Variants in NRG1 observed in about 807,000 individuals in gnomAD.
NRG1 encodes the protein neuregulin 1, also known as pro-neuregulin-1, membrane-bound isoform.
NRG1 carries 18 observed loss-of-function variants against 63.8 expected under a neutral mutation model. That is an observed-to-expected ratio of 0.28 (90% CI 0.19 to 0.42). The LOEUF (loss-of-function observed/expected upper bound fraction) is 0.42. NRG1 is among the 10% of genes least tolerant of loss of function. NRG1 has a pLI of 1.00. For missense variants in NRG1, 762 were observed against 814.7 expected, an observed-to-expected ratio of 0.94 and a Z score of 0.79; for synonymous variants, 302 against 301.3, an observed-to-expected ratio of 1.00 and a Z score of -0.02.
At chr8:32,068,478 GGGGCTGTTTCT>G (rs1825236144) in intron 1 of NRG1, among the ~76,000 whole-genome samples, 1 of 152,136 alleles carries the variant, frequency 6.6e-6, no homozygotes, top group Non-Finnish European at 1.5e-5. Context: ...GAAAGGCCAC[GGGGCTGTTTCT>G]GGGCTTAAAC....
intron 1 of NRG1, among the ~76,000 whole-genome samples, chr8:31,733,764 A>C (rs1425947660): frequency 6.6e-6 from 1 of 152,104 alleles, no homozygotes; most frequent in Non-Finnish European, 1.5e-5. Context: ...GGTTCTGTAC[A>C]TGTCACAGTT....
At chr8:31,690,924 G>A (rs893106841) in intron 1 of NRG1, among the ~76,000 whole-genome samples, 2 of 152,116 alleles carry the variant, frequency 1.3e-5, no homozygotes, top group Non-Finnish European at 2.9e-5. Context: ...CTGGAGTTTA[G>A]GAAAGAGGTC....
intron 6 of NRG1, among the ~76,000 whole-genome samples, chr8:32,738,471 A>G (rs767701543): frequency 9.2e-5 from 14 of 152,036 alleles, no homozygotes; most frequent in Non-Finnish European, 2.1e-4. Context: ...TAAAGCTACA[A>G]CAAGTACTTG....
intron 1 of NRG1, among the ~76,000 whole-genome samples, chr8:32,364,532 T>C (rs748577447): frequency 9.2e-5 from 14 of 152,188 alleles, no homozygotes; most frequent in Non-Finnish European, 1.3e-4. Context: ...AGCTGCATAG[T>C]ATTTCTATAT....
intron 3 of NRG1, 40 bp from the exon 4 acceptor site, chr8:32,614,474 T>A (rs370106896): frequency 3.5e-5 from 56 of 1,603,206 alleles, no homozygotes; most frequent in Non-Finnish European, 4.6e-5. Context: ...CCCGGCCTCC[T>A]GTTTATATAT....
intron 1 of NRG1, among the ~76,000 whole-genome samples, chr8:32,344,691 G>A (rs1804654137): frequency 6.8e-6 from 1 of 147,116 alleles, no homozygotes; most frequent in Admixed American, 7.0e-5. Flanking sequence ...CTGGGCTGAA[G>A]TGATCCTCCT....
chr8:32,518,280 A>G (rs543580352), intron 1 of NRG1, among the ~76,000 whole-genome samples: 1 of 152,286 alleles, frequency 6.6e-6, no homozygotes, highest in East Asian at 1.9e-4. Context: ...CTCTACCTCC[A>G]GAACATGCCA....
intron 1 of NRG1, among the ~76,000 whole-genome samples, chr8:32,556,462 A>G (rs982105243): frequency 6.6e-6 from 1 of 152,208 alleles, no homozygotes; most frequent in Non-Finnish European, 1.5e-5. Flanking sequence ...TATTTGACCT[A>G]TTAGCAGATA....
At chr8:32,250,453 T>G (rs1848985249) in intron 1 of NRG1, among the ~76,000 whole-genome samples, 2 of 152,176 alleles carry the variant, frequency 1.3e-5, no homozygotes, top group South Asian at 4.1e-4. Context: ...TGCATGTGTT[T>G]ATTTAACTGC....
intron 1 of NRG1, among the ~76,000 whole-genome samples, chr8:32,474,784 G>T (rs569889259): frequency 2.0e-5 from 3 of 152,094 alleles, no homozygotes; most frequent in Non-Finnish European, 2.9e-5. Flanking sequence ...GATTACAGGC[G>T]TGAGCCACTG....
At chr8:32,716,606 A>G (rs2975503) in intron 5 of NRG1, among the ~76,000 whole-genome samples, 7 of 151,992 alleles carry the variant, frequency 4.6e-5, no homozygotes, top group Non-Finnish European at 8.8e-5. Context: ...CTAAGGTCCT[A>G]TGTATGGACC....
chr8:32,227,327 C>T (rs1586218051), intron 1 of NRG1, among the ~76,000 whole-genome samples: 1 of 152,066 alleles, frequency 6.6e-6, no homozygotes, highest in Admixed American at 6.6e-5. Context: ...CTTCATGAAT[C>T]TATTCATCCC....
intron 1 of NRG1, among the ~76,000 whole-genome samples, chr8:32,012,585 A>G (rs16878665): frequency 0.019 from 2,956 of 152,216 alleles, 105 homozygotes; most frequent in African/African-American, 0.067. Context: ...AATAAGCAAA[A>G]GTAGAGAATT....
chr8:31,875,689 C>G (rs1829860570), intron 1 of NRG1, among the ~76,000 whole-genome samples: 1 of 152,142 alleles, frequency 6.6e-6, no homozygotes, highest in Admixed American at 6.5e-5. Flanking sequence ...AAACTAATTT[C>G]TGGATTGTGA....
intron 1 of NRG1, among the ~76,000 whole-genome samples, chr8:31,735,232 T>C (rs1309797186): frequency 6.6e-6 from 1 of 152,074 alleles, no homozygotes; most frequent in Admixed American, 6.6e-5. Context: ...CCTAAAACAA[T>C]TTTTTCTAAG....
chr8:32,538,758 T>C (rs926785096), intron 1 of NRG1, among the ~76,000 whole-genome samples: 2 of 152,238 alleles, frequency 1.3e-5, no homozygotes, highest in African/African-American at 4.8e-5. Flanking sequence ...CATACGTTTA[T>C]AGTCTATTCA....
chr8:31,767,670 T>G (rs1818205346), intron 1 of NRG1, among the ~76,000 whole-genome samples: 1 of 151,822 alleles, frequency 6.6e-6, no homozygotes, highest in African/African-American at 2.4e-5. Context: ...GGAAACCCCG[T>G]CTCTACTAAA....
intron 1 of NRG1, among the ~76,000 whole-genome samples, chr8:32,257,742 G>A (rs943263275): frequency 2.6e-5 from 4 of 152,108 alleles, no homozygotes; most frequent in South Asian, 2.1e-4. Flanking sequence ...GGGGCAGGGC[G>A]ACCCACTTCC....
chr8:31,764,075 T>A (rs1817821811), intron 1 of NRG1, among the ~76,000 whole-genome samples: 1 of 151,744 alleles, frequency 6.6e-6, no homozygotes, highest in South Asian at 2.1e-4. Flanking sequence ...GGAGATAGGA[T>A]GAATAAAGAA....
Sources: gnomAD v4.1 joint callset for allele counts (sites outside exome capture counted in the v4.1 genomes callset) on GRCh38, gnomAD v4.1.1 for gene constraint, MANE v1.5 for transcripts, NCBI Gene and HGNC (gene_info 2026-07-23, HGNC 2026-07-21) for gene names.